ERI3: variants seen among roughly 807,000 people sequenced by gnomAD.
ERI3 encodes ERI1 exoribonuclease family member 3, also known as ERI1 exoribonuclease 3.
ERI3 carries 18 observed loss-of-function variants against 44.4 expected under a neutral mutation model. The ratio of observed to expected loss-of-function variants is 0.41; its 90% CI spans 0.28 to 0.60. The LOEUF is 0.60. ERI3 is among the 20% of genes least tolerant of loss of function. The pLI is 0.36. For missense variants in ERI3, 294 were observed against 435.5 expected (o/e 0.68, Z 2.89); for synonymous variants, 183 against 164.8 (o/e 1.11, Z -0.84).
chr1:44,287,282 G>A (rs1018889265), intron 6 of ERI3, among the ~76,000 whole-genome samples: 7 of 152,276 alleles, frequency 4.6e-5, no homozygotes, highest in Admixed American at 3.3e-4. Flanking sequence ...ATAAGACAGC[G>A]GAGATTACAA....
intron 8 of ERI3, among the ~76,000 whole-genome samples, chr1:44,231,641 C>T (rs548974116): frequency 7.2e-4 from 110 of 152,272 alleles, no homozygotes; most frequent in Non-Finnish European, 1.2e-3. Flanking sequence ...CCATTGGTCC[C>T]GGCCCTTGTT....
chr1:44,288,339 T>A (rs1645436361), intron 6 of ERI3, among the ~76,000 whole-genome samples: 1 of 152,150 alleles, frequency 6.6e-6, no homozygotes, highest in African/African-American at 2.4e-5. Context: ...TGCTGAGTAG[T>A]CCTCTGGGTC....
At chr1:44,270,161 AC>A (rs1645062008) in intron 7 of ERI3, among the ~76,000 whole-genome samples, 1 of 152,044 alleles carries the variant, frequency 6.6e-6, no homozygotes, top group Non-Finnish European at 1.5e-5. Flanking sequence ...GGGAAAAAAC[AC>A]ACACACACAC....
intron 4 of ERI3, among the ~76,000 whole-genome samples, chr1:44,314,189 T>C (rs1222862906): frequency 6.6e-6 from 1 of 151,802 alleles, no homozygotes; most frequent in Non-Finnish European, 1.5e-5. Context: ...TAAACTATAA[T>C]TACACTTAAT....
chr1:44,333,282 C>T (rs1646468511), intron 3 of ERI3, among the ~76,000 whole-genome samples: 1 of 152,196 alleles, frequency 6.6e-6, no homozygotes, highest in South Asian at 2.1e-4. Context: ...ACATTAACGT[C>T]GGTTTTGCAT....
intron 5 of ERI3, among the ~76,000 whole-genome samples, chr1:44,310,836 C>G (rs1645940179): frequency 6.6e-6 from 1 of 151,992 alleles, no homozygotes; most frequent in Non-Finnish European, 1.5e-5. Context: ...TCTTTACAGT[C>G]TGTACACCAG....
In ERI3 at chr1:44,229,205, G is replaced by A. The variant is rs77435563; in HGVS notation, c.932-7565C>T. On this transcript the variant is annotated intron_variant, in intron 8 of 8. Transcript: ENST00000372257. ...ACATGGGGCCAGAACCTGGATCAGG[G>A]AAAGCAGGCAAGAACGGTGGCAGGG... is the stretch of plus-strand genomic sequence containing the variant. Among the ~76,000 whole-genome samples, 687 of 152,292 alleles carry A rather than the reference G, an allele frequency of 4.5e-3. 6 individuals are homozygous for A. The highest frequency in any genetic ancestry group is 0.016 in the African/African-American group (652 of 41,544).
chr1:44,259,693 C>CACACAG (rs1553185540), intron 7 of ERI3, among the ~76,000 whole-genome samples: 1 of 84,918 alleles, frequency 1.2e-5, no homozygotes, highest in Non-Finnish European at 2.7e-5. Flanking sequence ...CACACAGACA[C>CACACAG]ACACACACAC....
At chr1:44,289,526 C>A (rs1186089605) in intron 6 of ERI3, among the ~76,000 whole-genome samples, 2 of 152,216 alleles carry the variant, frequency 1.3e-5, no homozygotes, top group Admixed American at 1.3e-4. Flanking sequence ...AAGCAAAGAG[C>A]ATTCCCCCTA....
intron 5 of ERI3, among the ~76,000 whole-genome samples, chr1:44,310,382 A>C (rs556680871): frequency 6.6e-6 from 1 of 152,336 alleles, no homozygotes; most frequent in Admixed American, 6.5e-5. Context: ...TTCCCTGCGA[A>C]TATAAGCACC....
rs897252420 is a variant in ERI3 at position 44,221,961 on chromosome 1, C to A, written c.932-321G>T. Reference sequence around the variant, plus strand: ...AAGGCAGAGTAAATGTGTAATTTCTCCCTTGACGGCCCCCGGCCGCTGGGC... The same window carrying A: ...AAGGCAGAGTAAATGTGTAATTTCTACCTTGACGGCCCCCGGCCGCTGGGC... On this transcript the variant is annotated intron_variant, in intron 8 of 8. Coordinates refer to ENST00000372257, the MANE Select transcript of ERI3 (RefSeq NM_024066.3). The surrounding 1 kb of genome is among the most constrained non-coding windows in gnomAD (Gnocchi z 5.9). 6.6e-6 allele frequency among the ~76,000 whole-genome samples: 1 copy of A among 152,234 alleles called. No homozygotes were observed. Among genetic ancestry groups the A allele is most frequent in the Non-Finnish European group, 1.5e-5 (1 of 68,042 alleles).
intron 3 of ERI3, among the ~76,000 whole-genome samples, chr1:44,334,061 G>C (rs1276190456): frequency 6.6e-6 from 1 of 152,224 alleles, no homozygotes; most frequent in East Asian, 1.9e-4. Context: ...CTGCTGCAGA[G>C]CAGAGACAAA....
chr1:44,267,791 G>A (rs1183926130), intron 7 of ERI3, among the ~76,000 whole-genome samples: 1 of 152,210 alleles, frequency 6.6e-6, no homozygotes, highest in Admixed American at 6.5e-5. Context: ...TCATGCCTGT[G>A]CAAACTCAAG....
At chr1:44,301,922 T>C (rs1645734539) in intron 6 of ERI3, among the ~76,000 whole-genome samples, 1 of 152,238 alleles carries the variant, frequency 6.6e-6, no homozygotes, top group Non-Finnish European at 1.5e-5. Context: ...CCCTACAAAT[T>C]CCTCATGCAA....
intron 6 of ERI3, among the ~76,000 whole-genome samples, chr1:44,288,558 C>T (rs904928620): frequency 6.6e-6 from 1 of 152,168 alleles, no homozygotes; most frequent in East Asian, 1.9e-4. Context: ...GAGTGGTCAT[C>T]ATCCCTTACA....
intron 6 of ERI3, among the ~76,000 whole-genome samples, chr1:44,290,526 T>C (rs912490551): frequency 2.6e-5 from 4 of 152,220 alleles, no homozygotes; most frequent in Non-Finnish European, 5.9e-5. Context: ...TCTCCAAGTC[T>C]TGAGCCTCAG....
At chr1:44,310,640 CT>C (rs2154327913) in intron 5 of ERI3, among the ~76,000 whole-genome samples, 1 of 152,242 alleles carries the variant, frequency 6.6e-6, no homozygotes, top group East Asian at 1.9e-4. Context: ...AGTAAGATTA[CT>C]TCTAGCAGGT....
intron 8 of ERI3, among the ~76,000 whole-genome samples, chr1:44,245,754 G>A (rs572375826): frequency 3.0e-4 from 46 of 152,244 alleles, no homozygotes; most frequent in Non-Finnish European, 5.1e-4. Context: ...GAGTGGGAAC[G>A]AGGAACCCCT....
At chr1:44,338,061 T>A (rs565537366) in intron 3 of ERI3, among the ~76,000 whole-genome samples, 1 of 152,304 alleles carries the variant, frequency 6.6e-6, no homozygotes, top group South Asian at 2.1e-4. Flanking sequence ...CTGCAGCTAA[T>A]CCAAGCCTCC....
Sources: gnomAD v4.1 joint callset for allele counts (sites outside exome capture counted in the v4.1 genomes callset) on GRCh38, gnomAD v4.1.1 for gene constraint, Gnocchi (gnomAD v3.1) non-coding constraint, MANE v1.5 for transcripts, NCBI Gene and HGNC (gene_info 2026-07-23, HGNC 2026-07-21) for gene names.